The following CEP112 variants were observed in gnomAD, a reference collection of about 807,000 sequenced individuals.
CEP112 encodes the protein centrosomal protein 112.
CEP112 carries 127 observed loss-of-function variants against 153.0 expected under a neutral mutation model. The ratio of observed to expected loss-of-function variants is 0.83; its 90% CI spans 0.72 to 0.96. CEP112 has a LOEUF of 0.96. CEP112 is among the 40% of genes least tolerant of loss of function. The pLI is 0.00. For synonymous variants in CEP112, 358 were observed against 374.4 expected, an observed-to-expected ratio of 0.96 and a Z score of 0.51; for missense variants, 1,089 against 1,101.2, an observed-to-expected ratio of 0.99 and a Z score of 0.16.
At chr17:66,176,688 T>C in intron 3 of CEP112, 142 bp downstream of exon 3, 1 of 523,378 alleles carries the variant, frequency 1.9e-6, no homozygotes, top group Non-Finnish European at 3.2e-6. Flanking sequence ...TGGAAAAAAA[T>C]TGAATCAGGA....
rs28698534 is a variant in CEP112, at chr17:65,824,317, A to C, written c.2394+27487T>G. The stretch of plus-strand genomic sequence containing the variant: ...GAAAGAAGCCAGACTCAAAAAGCTA[A>C]CTACTGAATATTTACATGACATTCC... On this transcript the variant is annotated intron_variant, in intron 21 of 26. Transcript: ENST00000535342. 3.1e-3 allele frequency among the ~76,000 whole-genome samples: 477 copies of C among 152,324 alleles called. 3 individuals carry two copies. The highest frequency in any genetic ancestry group is 0.011 in the African/African-American group (455 of 41,574).
At chr17:65,829,041 G>T (rs4791125) in intron 21 of CEP112, among the ~76,000 whole-genome samples, 151,534 of 152,248 alleles carry the variant, frequency 1, 75,414 homozygotes, top group Non-Finnish European at 1. Flanking sequence ...GAGTGTTTAT[G>T]CACTGCACCC....
chr17:66,173,681 T>C (rs2072340897), intron 4 of CEP112, among the ~76,000 whole-genome samples: 1 of 152,172 alleles, frequency 6.6e-6, no homozygotes, highest in African/African-American at 2.4e-5. Context: ...TCTTTATACC[T>C]CCATATAAAA....
chr17:65,990,537 G>A lies in CEP112; in HGVS notation c.1736+15153C>T, dbSNP rs535557374. ...TGCTGCTCTGTCATGGTGGAAAAGA[G>A]AACCAGGCTGTAGTCAGCTGACATC... is the stretch of plus-strand genomic sequence containing the variant. On this transcript the variant is annotated intron_variant, in intron 17 of 26. Transcript: ENST00000535342. Among the ~76,000 whole-genome samples, 8 of 152,364 alleles carry A rather than the reference G, an allele frequency of 5.3e-5. No homozygotes were observed. In the South Asian group the frequency reaches 1.7e-3, roughly 32 times the overall value.
At chr17:65,640,430 A>T (rs1467819168) in intron 25 of CEP112, among the ~76,000 whole-genome samples, 1 of 152,176 alleles carries the variant, frequency 6.6e-6, no homozygotes, top group Non-Finnish European at 1.5e-5. Flanking sequence ...ACAGGATTAC[A>T]GGTATGAGCC....
At position 65,687,968 on chromosome 17, in the gene CEP112, A is replaced by G. The variant is rs1341340534; in HGVS notation, c.2697+1161T>C. ...ATCAATATTAGCAACGCTACACTCA[A>G]CAGCTGAGGGCAATGCATTTATAAA... On this transcript the variant is annotated intron_variant, in intron 24 of 26. Coordinates refer to ENST00000535342, the MANE Select transcript of CEP112 (RefSeq NM_001199165.4). Among the ~76,000 whole-genome samples, 7 of 152,216 alleles carry G rather than the reference A, an allele frequency of 4.6e-5. No individual in the cohort carries two copies. In the East Asian group the frequency reaches 1.3e-3, roughly 29 times the overall value.
intron 25 of CEP112, among the ~76,000 whole-genome samples, chr17:65,637,465 C>T (rs1567792045): frequency 6.6e-6 from 1 of 152,352 alleles, no homozygotes; most frequent in Non-Finnish European, 1.5e-5. Flanking sequence ...TCACGCCCTG[C>T]CCACCACTGC....
At chr17:65,867,710 G>A (rs1292424972) in intron 20 of CEP112, among the ~76,000 whole-genome samples, 3 of 152,046 alleles carry the variant, frequency 2.0e-5, no homozygotes, top group African/African-American at 7.2e-5. Flanking sequence ...ATAATAAGGA[G>A]TTTATTATTT....
chr17:65,953,809 A>C (rs1401208130), intron 18 of CEP112, among the ~76,000 whole-genome samples: 1 of 152,174 alleles, frequency 6.6e-6, no homozygotes, highest in Non-Finnish European at 1.5e-5. Flanking sequence ...CCAGCCCCAC[A>C]CAAGGAGAGG....
At chr17:66,179,303 T>C (rs966311543) in intron 2 of CEP112, among the ~76,000 whole-genome samples, 3 of 152,194 alleles carry the variant, frequency 2.0e-5, no homozygotes, top group Non-Finnish European at 2.9e-5. Flanking sequence ...ATTTTAACAA[T>C]ATTGATTATT....
intron 21 of CEP112, among the ~76,000 whole-genome samples, chr17:65,835,878 A>T (rs960846162): frequency 3.3e-5 from 5 of 152,240 alleles, no homozygotes; most frequent in African/African-American, 1.2e-4. Context: ...CATGCAGACT[A>T]AAAGACAAAC....
chr17:66,051,437 C>T (rs1394433473), intron 12 of CEP112, among the ~76,000 whole-genome samples: 2 of 148,466 alleles, frequency 1.3e-5, no homozygotes, highest in African/African-American at 4.9e-5. Context: ...TTAATATTTC[C>T]AACAACTTAC....
chr17:65,743,030 G>A, intron 23 of CEP112, 38 bp downstream of exon 23: 1 of 1,540,984 alleles, frequency 6.5e-7, no homozygotes, highest in Non-Finnish European at 8.8e-7. Context: ...TTACATTAAA[G>A]CAGCTGGTAC....
intron 26 of CEP112, chr17:65,636,869 C>T (rs931499124): frequency 2.4e-6 from 1 of 410,498 alleles, no homozygotes; most frequent in African/African-American, 2.1e-5. Context: ...GCCTTGGCCT[C>T]CCAAAGTGCT....
At chr17:66,071,134 C>T (rs560077835) in intron 8 of CEP112, among the ~76,000 whole-genome samples, 7 of 151,988 alleles carry the variant, frequency 4.6e-5, no homozygotes, top group African/African-American at 1.7e-4. Context: ...TTTTCAAATA[C>T]AAAATAAATT....
chr17:66,107,815 C>T (rs2068850094), intron 6 of CEP112, among the ~76,000 whole-genome samples: 1 of 151,714 alleles, frequency 6.6e-6, no homozygotes, highest in African/African-American at 2.4e-5. Flanking sequence ...TATATGGAAC[C>T]AAAAAAAGAC....
At chr17:66,049,981 A>T (rs2066370760) in intron 12 of CEP112, among the ~76,000 whole-genome samples, 1 of 150,466 alleles carries the variant, frequency 6.6e-6, no homozygotes, top group Admixed American at 6.8e-5. Context: ...TTTCAAAGAA[A>T]TAATGATTGT....
At chr17:66,095,144 T>G (rs1410587406) in intron 8 of CEP112, among the ~76,000 whole-genome samples, 1 of 152,126 alleles carries the variant, frequency 6.6e-6, no homozygotes, top group Admixed American at 6.5e-5. Flanking sequence ...ATCTCACTAT[T>G]AGGTATAAAT....
intron 19 of CEP112, among the ~76,000 whole-genome samples, chr17:65,908,524 A>T (rs760609816): frequency 6.6e-5 from 10 of 152,090 alleles, no homozygotes; most frequent in Non-Finnish European, 1.3e-4. Flanking sequence ...GGAGAAACCC[A>T]TCTCTACCAC....
Sources: allele counts gnomAD v4.1 joint callset (sites outside exome capture counted in the v4.1 genomes callset), GRCh38; gene constraint gnomAD v4.1.1; transcripts MANE v1.5; gene names NCBI Gene and HGNC (gene_info 2026-07-23, HGNC 2026-07-21).